MNAT1: variants seen among roughly 807,000 people sequenced by gnomAD.
The protein encoded by MNAT1 is MNAT1 component of CDK activating kinase.
In MNAT1, 43 loss-of-function variants were observed where a neutral mutation model predicts 42.0. The observed-to-expected ratio is 1.02, with a 90% CI of 0.80 to 1.32. MNAT1 has a LOEUF of 1.32. MNAT1 is among the 40% of genes most tolerant of loss of function. The pLI, the probability that MNAT1 is intolerant of heterozygous loss-of-function variation, is 0.00. For missense variants in MNAT1, 306 were observed against 350.4 expected (o/e 0.87, Z 1.01); for synonymous variants, 118 against 120.0 (o/e 0.98, Z 0.11).
At position 60,812,074 on chromosome 14, in the gene MNAT1, C is replaced by G. The variant is rs748569722; in HGVS notation, c.508C>G (p.Gln170Glu). 1 of 1,599,982 alleles carries G rather than the reference C, an allele frequency of 6.3e-7. No individual in the cohort carries two copies. The highest frequency in any genetic ancestry group is 8.5e-7 in the Non-Finnish European group (1 of 1,174,262). The change falls in exon 5 of 8, where the codon CAA becomes GAA. Residue 170 changes from glutamine to glutamate, a missense_variant. Around this residue, in one of 3 missense-constraint regions of MNAT1, gnomAD observed 118 missense variants for 99.8 expected, o/e 1.18. Coordinates refer to ENST00000261245, the MANE Select transcript of MNAT1 (RefSeq NM_002431.4). ...AAGATTATTTATACAAAAAGAAGAA[C>G]AACTGCAGCAGATTCTAAAAAGGAA... is the stretch of plus-strand genomic sequence containing the variant. ...QRRLFIQKEE[Q>E]LQQILKRKNK... is the part of the protein sequence containing the mutation.
intron 6 of MNAT1, among the ~76,000 whole-genome samples, chr14:60,878,663 A>G (rs8022005): frequency 0.95 from 144,002 of 152,192 alleles, 68,404 homozygotes; most frequent in Non-Finnish European, 0.99. Context: ...TGAATTGTGA[A>G]TTTTTTGAAT....
rs578057791 is a variant in MNAT1 at position 60,788,784 on chromosome 14, C to T, written c.90-7433C>T. On this transcript the variant is annotated intron_variant, in intron 1 of 7. Coordinates refer to ENST00000261245, the MANE Select transcript of MNAT1 (RefSeq NM_002431.4). ...CTGCAACTTCCTCACCTTTCTCAACCTTTATAGGATTGAAGAGAGTTAGGT... is the reference window on the plus strand; with the variant it reads ...CTGCAACTTCCTCACCTTTCTCAACTTTTATAGGATTGAAGAGAGTTAGGT... Among the ~76,000 whole-genome samples, 110 of 152,280 alleles carry T rather than the reference C, an allele frequency of 7.2e-4. No individual in the cohort carries two copies. The South Asian group carries it at 0.022, about 31-fold the overall frequency.
In MNAT1 at chr14:60,875,455, C is replaced by G. The variant is rs1033324119; in HGVS notation, c.688-4259C>G. On this transcript the variant is annotated intron_variant, in intron 6 of 7. Coordinates refer to ENST00000261245, the MANE Select transcript of MNAT1 (RefSeq NM_002431.4). ...ACTTGGCTTTTAATCATCAAACTGC[C>G]ATTAACTACAGTATGATCTTGCTCA... Among the ~76,000 whole-genome samples the G allele has an allele frequency of 4.3e-4, 65 of 152,010 alleles. 1 individual carries two copies. The highest frequency in any genetic ancestry group is 1.5e-3 in the African/African-American group (62 of 41,408).
chr14:60,903,365 AAT>A (rs1491254124), intron 7 of MNAT1, among the ~76,000 whole-genome samples: 24 of 152,170 alleles, frequency 1.6e-4, no homozygotes, highest in Admixed American at 1.3e-4. Context: ...GGAAAGGTAG[AAT>A]TTCAGCTGAA....
intron 6 of MNAT1, among the ~76,000 whole-genome samples, chr14:60,838,408 A>T (rs1480801786): frequency 6.6e-6 from 1 of 152,210 alleles, no homozygotes; most frequent in Non-Finnish European, 1.5e-5. Flanking sequence ...CTGGGATTAC[A>T]GGCATAAGCC....
At chr14:60,804,900 A>C (rs968368911) in intron 3 of MNAT1, among the ~76,000 whole-genome samples, 1 of 152,188 alleles carries the variant, frequency 6.6e-6, no homozygotes, top group Non-Finnish European at 1.5e-5. Flanking sequence ...GAAAAGTTAA[A>C]ATCAGTAGTA....
chr14:60,865,610 T>C (rs1212116191), intron 6 of MNAT1, among the ~76,000 whole-genome samples: 1 of 152,056 alleles, frequency 6.6e-6, no homozygotes, highest in African/African-American at 2.4e-5. Flanking sequence ...AATGGTAGTT[T>C]GGTAATAAGA....
At chr14:60,849,267 A>G (rs916598753) in intron 6 of MNAT1, among the ~76,000 whole-genome samples, 1 of 152,110 alleles carries the variant, frequency 6.6e-6, no homozygotes, top group Non-Finnish European at 1.5e-5. Context: ...TAATTTTTTC[A>G]TTTCTGGGGC....
At chr14:60,785,562 A>G (rs2140317786) in intron 1 of MNAT1, among the ~76,000 whole-genome samples, 2 of 152,322 alleles carry the variant, frequency 1.3e-5, no homozygotes, top group Middle Eastern at 3.4e-3. Flanking sequence ...CTTGTCATAA[A>G]CCAAATACAG....
At chr14:60,911,318 A>G (rs1452316508) in intron 7 of MNAT1, among the ~76,000 whole-genome samples, 3 of 151,764 alleles carry the variant, frequency 2.0e-5, no homozygotes, top group African/African-American at 7.3e-5. Context: ...TTGTGTCTCT[A>G]TTTCCGTCAG....
intron 6 of MNAT1, among the ~76,000 whole-genome samples, chr14:60,835,830 T>C (rs1194224223): frequency 6.6e-6 from 1 of 152,222 alleles, no homozygotes; most frequent in East Asian, 1.9e-4. Context: ...AGGAGTGTTT[T>C]CCAGCTTGGT....
At chr14:60,819,421 G>A (rs1219288470) in intron 6 of MNAT1, among the ~76,000 whole-genome samples, 1 of 150,942 alleles carries the variant, frequency 6.6e-6, no homozygotes, top group African/African-American at 2.4e-5. Flanking sequence ...ATATACTTTG[G>A]CATATTAACT....
intron 1 of MNAT1, among the ~76,000 whole-genome samples, chr14:60,745,094 T>A (rs1193042329): frequency 6.6e-6 from 1 of 152,236 alleles, no homozygotes; most frequent in Non-Finnish European, 1.5e-5. Flanking sequence ...TCTCTGCCTA[T>A]TTGGCTTAGC....
chr14:60,951,697 T>C (rs1013667119), intron 7 of MNAT1, among the ~76,000 whole-genome samples: 1 of 152,156 alleles, frequency 6.6e-6, no homozygotes, highest in African/African-American at 2.4e-5. Flanking sequence ...TTATCTATGA[T>C]TGTGGATGTG....
chr14:60,781,553 G>A (rs574109355), intron 1 of MNAT1, among the ~76,000 whole-genome samples: 43 of 152,012 alleles, frequency 2.8e-4, no homozygotes, highest in Non-Finnish European at 5.0e-4. Context: ...TTCAGCCTTG[G>A]CCCCCACAAA....
At chr14:60,955,621 A>G (rs1384357297) in intron 7 of MNAT1, among the ~76,000 whole-genome samples, 1 of 152,224 alleles carries the variant, frequency 6.6e-6, no homozygotes, top group African/African-American at 2.4e-5. Flanking sequence ...AGATCGCACC[A>G]TTGCACTCAA....
chr14:60,962,636 A>G lies in MNAT1; in HGVS notation c.810-5593A>G, dbSNP rs866230020. 2.6e-5 allele frequency among the ~76,000 whole-genome samples: 4 copies of G among 152,380 alleles called. No homozygotes were observed. The Middle Eastern group carries it at 0.01, about 389-fold the overall frequency. On this transcript the variant is annotated intron_variant, in intron 7 of 7. Transcript: ENST00000261245. ...TTTGATAGCAATAAATTACACAGTTATAGTATAACTGGACTTATACTCCAG... is the reference window on the plus strand; with the variant it reads ...TTTGATAGCAATAAATTACACAGTTGTAGTATAACTGGACTTATACTCCAG...
chr14:60,854,827 C>G (rs554494083), intron 6 of MNAT1, among the ~76,000 whole-genome samples: 1 of 152,308 alleles, frequency 6.6e-6, no homozygotes, highest in Non-Finnish European at 1.5e-5. Context: ...AGCTGGTGCA[C>G]TGTGCTGGGA....
chr14:60,881,434 C>G (rs955536403), intron 7 of MNAT1, among the ~76,000 whole-genome samples: 1 of 152,092 alleles, frequency 6.6e-6, no homozygotes, highest in African/African-American at 2.4e-5. Flanking sequence ...ATCTGCCCAC[C>G]TTGGCCCCCC....
Sources: gnomAD v4.1 joint callset for allele counts (sites outside exome capture counted in the v4.1 genomes callset) on GRCh38, gnomAD v4.1.1 for gene constraint, gnomAD v4.1.1 regional missense constraint, MANE v1.5 for transcripts, NCBI Gene and HGNC (gene_info 2026-07-23, HGNC 2026-07-21) for gene names.